Variants in ADAM22 observed in about 807,000 individuals in gnomAD.
The protein encoded by ADAM22 is ADAM metallopeptidase domain 22, also known as disintegrin and metalloproteinase domain-containing protein 22.
ADAM22 carries 65 observed loss-of-function variants against 144.6 expected under a neutral mutation model. The ratio of observed to expected loss-of-function variants is 0.45; its 90% CI spans 0.37 to 0.55. ADAM22 has a LOEUF of 0.55. Ranked by LOEUF, ADAM22 falls within the 20% of genes least tolerant of loss-of-function variation. The probability of loss-of-function intolerance (pLI) is 0.00; values close to 1 mark genes in which losing one functional copy is unlikely to be tolerated. For synonymous variants in ADAM22, 391 were observed against 412.6 expected (o/e 0.95, Z 0.63); for missense variants, 974 against 1,184.9 (o/e 0.82, Z 2.61).
chr7:87,985,379 A>AT (rs1240903442), intron 3 of ADAM22, among the ~76,000 whole-genome samples: 1 of 152,018 alleles, frequency 6.6e-6, no homozygotes, highest in Non-Finnish European at 1.5e-5. Context: ...CAATTCAGTG[A>AT]TTTTCAGTAC....
At chr7:88,171,582 G>A (rs771091217) in intron 26 of ADAM22, 21 bp downstream of exon 26, 3 of 1,567,096 alleles carry the variant, frequency 1.9e-6, no homozygotes, top group African/African-American at 1.4e-5. Flanking sequence ...CAAATAATGT[G>A]AACATAAAAC....
chr7:87,962,357 T>C (rs774077439), intron 2 of ADAM22, among the ~76,000 whole-genome samples: 1 of 152,176 alleles, frequency 6.6e-6, no homozygotes, highest in Non-Finnish European at 1.5e-5. Flanking sequence ...AGTGAGCACA[T>C]TCTTTGTGCT....
chr7:88,021,069 T>C (rs1474299470), intron 3 of ADAM22, among the ~76,000 whole-genome samples: 4 of 152,196 alleles, frequency 2.6e-5, no homozygotes, highest in African/African-American at 4.8e-5. Flanking sequence ...CACTAATTTT[T>C]CTCCTCTTAT....
Position 88,165,878 on chromosome 7 carries a change from G to A in ADAM22, c.2123G>A (p.Gly708Asp). Residue 708 changes from glycine (G) to aspartate (D), a missense_variant, in exon 24 of 32, where the codon GGT becomes GAT. Physicochemically the swap from Gly to Asp is moderately conservative, Grantham distance 94. Coordinates refer to ENST00000413139, the MANE Select transcript of ADAM22 (RefSeq NM_001324418.2). ...TGTGTGTGTAACAGACACTGGATAGGTTCTGATTGCAACACTTACTTCCCT... is the reference window on the plus strand; with the variant it reads ...TGTGTGTGTAACAGACACTGGATAGATTCTGATTGCAACACTTACTTCCCT... ...LKCVCNRHWI[G>D]SDCNTYFPHN... 2 of 1,611,962 alleles carry A rather than the reference G, an allele frequency of 1.2e-6. No homozygotes were observed. The highest frequency in any genetic ancestry group is 1.7e-6 in the Non-Finnish European group (2 of 1,178,924).
At chr7:88,186,171 T>G (rs1848264366) in intron 29 of ADAM22, 1 of 194,650 alleles carries the variant, frequency 5.1e-6, no homozygotes, top group Non-Finnish European at 1.0e-5. Flanking sequence ...TTCCTTTTAA[T>G]TGTTCTTAGG....
intron 29 of ADAM22, 93 bp downstream of exon 29, chr7:88,182,117 C>G (rs1358013432): frequency 1.7e-5 from 19 of 1,130,082 alleles, no homozygotes; most frequent in Non-Finnish European, 2.3e-5. Flanking sequence ...GAACTGTAAA[C>G]CATGTCTCCG....
chr7:87,986,692 T>C (rs1342883629), intron 3 of ADAM22, among the ~76,000 whole-genome samples: 2 of 152,200 alleles, frequency 1.3e-5, no homozygotes, highest in Non-Finnish European at 2.9e-5. Flanking sequence ...TTAAGCTTTC[T>C]GCTTTCTTGT....
chr7:88,106,118 G>T (rs1449078745), intron 4 of ADAM22, among the ~76,000 whole-genome samples: 1 of 152,134 alleles, frequency 6.6e-6, no homozygotes, highest in African/African-American at 2.4e-5. Context: ...CATGAAGTCA[G>T]TGCCCCATGT....
chr7:88,006,953 A>C (rs1794035342), intron 3 of ADAM22, among the ~76,000 whole-genome samples: 1 of 151,512 alleles, frequency 6.6e-6, no homozygotes. Flanking sequence ...GAAAAGAGGA[A>C]GTCAAATTGT....
chr7:88,044,709 G>T (rs1804098095), intron 3 of ADAM22, among the ~76,000 whole-genome samples: 1 of 151,024 alleles, frequency 6.6e-6, no homozygotes, highest in South Asian at 2.1e-4. Flanking sequence ...GTCTCCCAAA[G>T]TGCTGGGATT....
chr7:87,954,044 G>C (rs1389648759), intron 2 of ADAM22, among the ~76,000 whole-genome samples: 1 of 151,948 alleles, frequency 6.6e-6, no homozygotes, highest in Non-Finnish European at 1.5e-5. Context: ...GTCTCTGCCC[G>C]TGAGATGGGT....
chr7:88,151,100 A>C, intron 19 of ADAM22, 69 bp downstream of exon 19: 3 of 1,554,242 alleles, frequency 1.9e-6, no homozygotes, highest in Non-Finnish European at 2.7e-6. Context: ...AAATCTTATC[A>C]AAATAGGAAG....
At chr7:88,177,933 T>C (rs942451397) in intron 26 of ADAM22, among the ~76,000 whole-genome samples, 6 of 152,180 alleles carry the variant, frequency 3.9e-5, no homozygotes, top group Non-Finnish European at 7.4e-5. Context: ...CCAGCACTAG[T>C]TTGTGGCACC....
At chr7:88,163,849 T>C (rs1208485532) in intron 23 of ADAM22, among the ~76,000 whole-genome samples, 2 of 152,100 alleles carry the variant, frequency 1.3e-5, no homozygotes, top group African/African-American at 4.8e-5. Flanking sequence ...GGAATTCCTA[T>C]ACCATCAAAA....
intron 14 of ADAM22, among the ~76,000 whole-genome samples, chr7:88,142,458 C>T (rs1834975941): frequency 6.6e-6 from 1 of 152,212 alleles, no homozygotes; most frequent in Non-Finnish European, 1.5e-5. Flanking sequence ...ATAAATTTTT[C>T]CCAACTCTCC....
Position 88,196,512 on chromosome 7 carries a change from T to C in ADAM22, c.*21T>C, listed in dbSNP as rs1850704122. On this transcript the variant is annotated 3_prime_UTR_variant, in exon 32 of 32. Coordinates refer to ENST00000413139, the MANE Select transcript of ADAM22 (RefSeq NM_001324418.2). ...TTTAAGATCAACTGTTTACATGTGATACATCGAAAACTGTTTACTTCAACT... is the reference window on the plus strand; with the variant it reads ...TTTAAGATCAACTGTTTACATGTGACACATCGAAAACTGTTTACTTCAACT... 6.2e-7 allele frequency: 1 copy of C among 1,613,894 alleles called. No homozygotes were observed. The highest frequency in any genetic ancestry group is 8.5e-7 in the Non-Finnish European group (1 of 1,179,854).
chr7:88,088,634 G>A (rs1819044738), intron 4 of ADAM22, among the ~76,000 whole-genome samples: 1 of 152,048 alleles, frequency 6.6e-6, no homozygotes, highest in South Asian at 2.1e-4. Context: ...AACTTGAACA[G>A]CAGTGATAGA....
intron 2 of ADAM22, among the ~76,000 whole-genome samples, chr7:87,948,076 A>G (rs776886690): frequency 1.3e-5 from 2 of 152,050 alleles, no homozygotes; most frequent in Admixed American, 1.3e-4. Context: ...ATCCCTCAAT[A>G]TAGGCTCTGT....
At chr7:87,978,177 A>T (rs1051358674) in intron 2 of ADAM22, among the ~76,000 whole-genome samples, 159 bp from the exon 3 acceptor site, 1 of 152,218 alleles carries the variant, frequency 6.6e-6, no homozygotes, top group Non-Finnish European at 1.5e-5. Context: ...TTGGCTTCTA[A>T]GAAGGTGTAA....
Sources: allele counts gnomAD v4.1 joint callset (sites outside exome capture counted in the v4.1 genomes callset), GRCh38; gene constraint gnomAD v4.1.1; transcripts MANE v1.5; gene names NCBI Gene and HGNC (gene_info 2026-07-23, HGNC 2026-07-21).